The following CERS5 variants were observed in gnomAD, a reference collection of about 807,000 sequenced individuals.
CERS5 encodes LAG1 homolog, ceramide synthase 5.
In CERS5, 37 loss-of-function variants were observed where a neutral mutation model predicts 58.9. The observed-to-expected ratio is 0.63, with a 90% CI of 0.48 to 0.83. The LOEUF (loss-of-function observed/expected upper bound fraction) is 0.83. CERS5 is among the 40% of genes least tolerant of loss of function. The probability of loss-of-function intolerance (pLI) is 0.00; values close to 1 mark genes in which losing one functional copy is unlikely to be tolerated. For missense variants in CERS5, 398 were observed against 489.3 expected, an observed-to-expected ratio of 0.81 and a Z score of 1.76; for synonymous variants, 147 against 177.8, an observed-to-expected ratio of 0.83 and a Z score of 1.38.
intron 1 of CERS5, among the ~76,000 whole-genome samples, chr12:50,158,127 T>C (rs1444909854): frequency 6.6e-6 from 1 of 151,260 alleles, no homozygotes; most frequent in African/African-American, 2.4e-5. Context: ...GTAGATTGTA[T>C]ATTTTTGTAA....
intron 1 of CERS5, among the ~76,000 whole-genome samples, chr12:50,148,917 A>ATATATAT (rs1247551133): frequency 1.1e-3 from 66 of 61,900 alleles, no homozygotes; most frequent in African/African-American, 3.7e-3. Flanking sequence ...AAAAAAAAAA[A>ATATATAT]AAAAAAAAAA....
At chr12:50,130,774 C>T in intron 9 of CERS5, 80 bp from the exon 10 acceptor site, 1 of 1,338,040 alleles carries the variant, frequency 7.5e-7, no homozygotes, top group South Asian at 1.5e-5. Context: ...GGTGTGGGCA[C>T]TGTGTTCCCA....
At position 50,137,830 on chromosome 12, in the gene CERS5, A is replaced by T; in HGVS notation, c.544-10T>A. 1.3e-6 allele frequency: 2 copies of T among 1,553,536 alleles called. No homozygotes were observed. Among genetic ancestry groups the T allele is most frequent in the Non-Finnish European group, 1.8e-6 (2 of 1,126,894 alleles). On this transcript the variant is annotated splice_polypyrimidine_tract_variant and intron_variant, in intron 5 of 9. Transcript: ENST00000317551. ...GCCCACTTGAAAGAGGCTGGAAGAG[A>T]GAAAGAAGTAGTTAGATTACCGGCT...
intron 8 of CERS5, 193 bp downstream of exon 8, chr12:50,135,539 G>A (rs865949819): frequency 1.4e-6 from 1 of 705,884 alleles, no homozygotes; most frequent in Admixed American, 2.0e-5. Context: ...TACGGTCTGA[G>A]GCAGCAGAGG....
intron 1 of CERS5, among the ~76,000 whole-genome samples, chr12:50,145,780 A>T (rs1157590755): frequency 6.6e-6 from 1 of 152,204 alleles, no homozygotes; most frequent in African/African-American, 2.4e-5. Context: ...CTCATGTTTA[A>T]ACTCCTTGTA....
chr12:50,142,112 T>A lies in CERS5; in HGVS notation c.435-2A>T. 1 of 1,598,214 alleles carries A rather than the reference T, an allele frequency of 6.3e-7. No individual in the cohort carries two copies. Among genetic ancestry groups the A allele is most frequent in the South Asian group, 1.1e-5 (1 of 90,088 alleles). On this transcript the variant is annotated splice_acceptor_variant, in intron 3 of 9. Coordinates refer to ENST00000317551, the MANE Select transcript of CERS5 (RefSeq NM_147190.5). LOFTEE classifies it high-confidence loss of function. ...CATAAATAAAATGTGAATCTCCACC[T>A]GGGTGGGCAAAGAGTAAAGGTTAGA...
chr12:50,155,012 C>T (rs1043842363), intron 1 of CERS5, among the ~76,000 whole-genome samples: 1 of 152,096 alleles, frequency 6.6e-6, no homozygotes, highest in Non-Finnish European at 1.5e-5. Context: ...CGTGCACCAC[C>T]ATGCCTGGTT....
At chr12:50,132,252 A>C (rs1028363125) in intron 9 of CERS5, among the ~76,000 whole-genome samples, 2 of 151,962 alleles carry the variant, frequency 1.3e-5, no homozygotes, top group Non-Finnish European at 2.9e-5. Flanking sequence ...ATACAAAAAA[A>C]TTAGCCAGGC....
At chr12:50,142,481 CG>C (rs1218148464) in intron 3 of CERS5, among the ~76,000 whole-genome samples, 2 of 138,156 alleles carry the variant, frequency 1.4e-5, no homozygotes, top group Admixed American at 8.1e-5. Flanking sequence ...ACATGGGAGG[CG>C]GAGGTTGCAG....
chr12:50,135,320 T>A (rs1341513698), intron 8 of CERS5: 14 of 179,988 alleles, frequency 7.8e-5, no homozygotes, highest in Admixed American at 1.8e-4. Flanking sequence ...TGTGTGTGTG[T>A]GTGTGTGTGT....
intron 1 of CERS5, chr12:50,165,827 G>A: frequency 2.6e-6 from 1 of 381,794 alleles, no homozygotes; most frequent in Non-Finnish European, 5.2e-6. Context: ...ATTACCTGAG[G>A]CCTATGGCAG....
At chr12:50,135,416 G>T in intron 8 of CERS5, 1 of 542,474 alleles carries the variant, frequency 1.8e-6, no homozygotes, top group Non-Finnish European at 3.5e-6. Flanking sequence ...CAGTGCAAAA[G>T]AAGTCAAAGG....
chr12:50,133,003 A>G, intron 9 of CERS5: 2 of 1,289,160 alleles, frequency 1.6e-6, no homozygotes, highest in South Asian at 2.5e-5. Flanking sequence ...AGGCATAGAA[A>G]AAAGGAAGGA....
intron 1 of CERS5, among the ~76,000 whole-genome samples, chr12:50,161,118 A>C (rs1157383587): frequency 2.0e-5 from 3 of 152,238 alleles, no homozygotes. Flanking sequence ...GCACTGTGCA[A>C]GAGTACAGTC....
chr12:50,153,491 G>T (rs1222576991), intron 1 of CERS5, among the ~76,000 whole-genome samples: 1 of 151,548 alleles, frequency 6.6e-6, no homozygotes, highest in Non-Finnish European at 1.5e-5. Flanking sequence ...TGTTGGCCAG[G>T]ATGCTCTCAA....
Position 50,155,153 on chromosome 12 carries a change from C to T in CERS5, c.198-11096G>A, listed in dbSNP as rs560321194. Among the ~76,000 whole-genome samples the T allele has an allele frequency of 1.6e-4, 24 of 152,012 alleles. 1 individual carries two copies. The highest frequency in any genetic ancestry group is 1.4e-3 in the Admixed American group (22 of 15,186). ...GATTATAGGGGTGAGCCATCGTGCC[C>T]GGTCAGCATTTCTTAAATTTCTCAA... On this transcript the variant is annotated intron_variant, in intron 1 of 9. Coordinates refer to ENST00000317551, the MANE Select transcript of CERS5 (RefSeq NM_147190.5).
chr12:50,130,451 AATCACAGAAGAGTAGAT>A lies in CERS5; in HGVS notation c.*77_*93del. 8.3e-7 allele frequency: 1 copy of A among 1,206,868 alleles called. No individual in the cohort carries two copies. 74.8% of individuals were successfully genotyped at this position (1,206,868 alleles called of 1,614,324 possible). On this transcript the variant is annotated 3_prime_UTR_variant, in exon 10 of 10. Transcript: ENST00000317551. ...ACTCCTCAGTGCCTTGCAGTCTCCCAATCACAGAAGAGTAGATATGGGAAGGGCCAAGAGGAGTATGT... is the reference window on the plus strand; with the variant it reads ...ACTCCTCAGTGCCTTGCAGTCTCCCAATGGGAAGGGCCAAGAGGAGTATGT...
intron 1 of CERS5, 56 bp downstream of exon 1, chr12:50,167,045 G>A: frequency 7.4e-7 from 1 of 1,355,364 alleles, no homozygotes; most frequent in Non-Finnish European, 9.8e-7. Context: ...CCTTCCCACA[G>A]CGGGGCGCCC....
At chr12:50,160,157 T>C (rs775765188) in intron 1 of CERS5, among the ~76,000 whole-genome samples, 1 of 151,120 alleles carries the variant, frequency 6.6e-6, no homozygotes, top group Non-Finnish European at 1.5e-5. Context: ...ATACAAAAAT[T>C]AGCTGGGCGT....
Sources: gnomAD v4.1 joint callset for allele counts (sites outside exome capture counted in the v4.1 genomes callset) on GRCh38, gnomAD v4.1.1 for gene constraint, MANE v1.5 for transcripts, NCBI Gene and HGNC (gene_info 2026-07-23, HGNC 2026-07-21) for gene names.